The following SORCS1 variants were observed in gnomAD, a reference collection of about 807,000 sequenced individuals.
SORCS1 encodes sortilin related VPS10 domain containing receptor 1.
SORCS1 carries 60 observed loss-of-function variants against 146.1 expected under a neutral mutation model. That is an observed-to-expected ratio of 0.41 (90% CI 0.33 to 0.51). The LOEUF (loss-of-function observed/expected upper bound fraction) is 0.51. SORCS1 is among the 20% of genes least tolerant of loss of function. The pLI is 0.21. For missense variants in SORCS1, 1,352 were observed against 1,487.6 expected (o/e 0.91, Z 1.50); for synonymous variants, 637 against 584.0 (o/e 1.09, Z -1.31).
At chr10:106,607,443 A>G in intron 22 of SORCS1, 146 bp from the exon 23 acceptor site, 1 of 1,116,038 alleles carries the variant, frequency 9.0e-7, no homozygotes, top group Non-Finnish European at 1.2e-6. Flanking sequence ...GGCAGGGAGT[A>G]TGTGAGAGAC....
intron 1 of SORCS1, among the ~76,000 whole-genome samples, chr10:107,034,708 C>T (rs747007220): frequency 5.0e-5 from 2 of 39,662 alleles, no homozygotes; most frequent in Admixed American, 2.8e-4. Flanking sequence ...AAAAAAAAAA[C>T]AATGTTCATA....
intron 2 of SORCS1, among the ~76,000 whole-genome samples, chr10:106,939,532 G>T (rs779752076): frequency 6.6e-6 from 1 of 152,166 alleles, no homozygotes; most frequent in Non-Finnish European, 1.5e-5. Flanking sequence ...GAAAGAAAAC[G>T]CAGTCCTGTG....
chr10:106,985,788 G>A (rs1056704186), intron 1 of SORCS1, among the ~76,000 whole-genome samples: 2 of 151,804 alleles, frequency 1.3e-5, no homozygotes, highest in African/African-American at 4.8e-5. Context: ...TCCTGCCTTG[G>A]TCTCCCAAAG....
At position 106,612,967 on chromosome 10, in the gene SORCS1, TGGCTCACTACCCTCCCCC is replaced by T. The variant is rs554382013; in HGVS notation, c.2921-962_2921-945del. ...TTCAAGCTCTAGTTGAAGCACTCCC[TGGCTCACTACCCTCCCCC>T]GGCTCACTACCCTCCCCCATCACAT... On this transcript the variant is annotated intron_variant, in intron 21 of 25. Coordinates refer to ENST00000263054, the MANE Select transcript of SORCS1 (RefSeq NM_052918.5). Among the ~76,000 whole-genome samples, 1,476 of 152,162 alleles carry T rather than the reference TGGCTCACTACCCTCCCCC, an allele frequency of 9.7e-3. 15 individuals carry two copies. The highest frequency in any genetic ancestry group is 0.025 in the African/African-American group (1,039 of 41,514).
At chr10:106,865,364 G>A (rs1047488916) in intron 2 of SORCS1, among the ~76,000 whole-genome samples, 5 of 152,184 alleles carry the variant, frequency 3.3e-5, no homozygotes, top group Admixed American at 6.5e-5. Flanking sequence ...CCAGGTACTG[G>A]AAAACCCAAG....
intron 1 of SORCS1, among the ~76,000 whole-genome samples, chr10:107,118,587 C>A (rs565628194): frequency 1.3e-5 from 2 of 152,122 alleles, no homozygotes; most frequent in East Asian, 3.9e-4. Flanking sequence ...AGGGACTTTG[C>A]AAAAAATTAC....
chr10:106,877,775 C>T (rs893670850), intron 2 of SORCS1, among the ~76,000 whole-genome samples: 1 of 152,024 alleles, frequency 6.6e-6, no homozygotes. Flanking sequence ...AATGCAGAAC[C>T]GTATTCTGGT....
chr10:106,755,218 C>T (rs1320011645), intron 5 of SORCS1, among the ~76,000 whole-genome samples: 1 of 152,136 alleles, frequency 6.6e-6, no homozygotes, highest in Non-Finnish European at 1.5e-5. Flanking sequence ...TACTGAAGTG[C>T]TAAACTAAAA....
At chr10:106,677,892 A>T (rs1456520936) in intron 12 of SORCS1, among the ~76,000 whole-genome samples, 1 of 152,200 alleles carries the variant, frequency 6.6e-6, no homozygotes, top group Non-Finnish European at 1.5e-5. Context: ...TGCCCTTTCC[A>T]GATCTTATTA....
rs528214182 is a variant in SORCS1, at chr10:106,745,986, C to T, written c.959+15602G>A. On this transcript the variant is annotated intron_variant, in intron 5 of 25. Transcript: ENST00000263054. ...CATGAGAAAATATCAGACTAACTAACCCAATTTGAGGGGCACTCTACAAAA... is the reference window on the plus strand; with the variant it reads ...CATGAGAAAATATCAGACTAACTAATCCAATTTGAGGGGCACTCTACAAAA... Among the ~76,000 whole-genome samples the T allele has an allele frequency of 3.7e-3, 569 of 152,260 alleles. 9 individuals are homozygous for T. The highest frequency in any genetic ancestry group is 3.5e-3 in the Admixed American group (53 of 15,298).
Position 106,814,292 on chromosome 10 carries a change from A to G in SORCS1, c.726+15282T>C, listed in dbSNP as rs187084053. 3.2e-3 allele frequency among the ~76,000 whole-genome samples: 485 copies of G among 152,294 alleles called. 4 individuals carry two copies. The highest frequency in any genetic ancestry group is 5.7e-3 in the Non-Finnish European group (388 of 68,018). ...CTCTGTGCTTTGTATTTTATCTGAG[A>G]TTATATAATTCGTATTTAAAACGCG... On this transcript the variant is annotated intron_variant, in intron 3 of 25. Coordinates refer to ENST00000263054, the MANE Select transcript of SORCS1 (RefSeq NM_052918.5).
chr10:106,738,393 G>C (rs1305788880), intron 5 of SORCS1, among the ~76,000 whole-genome samples: 1 of 152,200 alleles, frequency 6.6e-6, no homozygotes, highest in African/African-American at 2.4e-5. Flanking sequence ...CTGTAGGGAG[G>C]AGACCTGGGA....
chr10:107,027,620 C>T (rs1958467431), intron 1 of SORCS1, among the ~76,000 whole-genome samples: 1 of 152,170 alleles, frequency 6.6e-6, no homozygotes, highest in Non-Finnish European at 1.5e-5. Context: ...CACCTTTCCT[C>T]AAGGACAGCC....
At chr10:106,823,292 A>C (rs1948146374) in intron 3 of SORCS1, among the ~76,000 whole-genome samples, 2 of 152,202 alleles carry the variant, frequency 1.3e-5, no homozygotes, top group South Asian at 4.1e-4. Context: ...AGTGCTATGC[A>C]AAGTCCTGGC....
At chr10:107,094,887 G>A (rs906229627) in intron 1 of SORCS1, among the ~76,000 whole-genome samples, 12 of 152,128 alleles carry the variant, frequency 7.9e-5, no homozygotes, top group Non-Finnish European at 1.2e-4. Context: ...CCTTCATTTG[G>A]GAAAGTAATA....
intron 1 of SORCS1, among the ~76,000 whole-genome samples, chr10:107,116,240 T>C (rs1440427469): frequency 6.6e-6 from 1 of 152,110 alleles, no homozygotes; most frequent in Non-Finnish European, 1.5e-5. Context: ...CAACATTATA[T>C]GATCCAGCAA....
intron 2 of SORCS1, among the ~76,000 whole-genome samples, chr10:106,874,769 G>A (rs1028392992): frequency 2.6e-5 from 4 of 152,180 alleles, no homozygotes; most frequent in Admixed American, 2.6e-4. Context: ...TTATAGTTCA[G>A]ACGGTGATGA....
chr10:106,889,833 C>A (rs1005010255), intron 2 of SORCS1, among the ~76,000 whole-genome samples: 2 of 146,552 alleles, frequency 1.4e-5, no homozygotes, highest in Non-Finnish European at 3.0e-5. Flanking sequence ...TGCAGTGAGC[C>A]GAGATCGCGC....
intron 1 of SORCS1, among the ~76,000 whole-genome samples, chr10:106,979,862 A>C (rs1956180412): frequency 6.6e-6 from 1 of 152,226 alleles, no homozygotes; most frequent in Admixed American, 6.5e-5. Flanking sequence ...CAGTTTCCTC[A>C]TCATGAAGGT....
Sources: allele counts gnomAD v4.1 joint callset (sites outside exome capture counted in the v4.1 genomes callset), GRCh38; gene constraint gnomAD v4.1.1; transcripts MANE v1.5; gene names NCBI Gene and HGNC (gene_info 2026-07-23, HGNC 2026-07-21).